Variants in CGGBP1 observed in about 807,000 individuals in gnomAD.
CGGBP1 encodes CGG triplet repeat binding protein 1, also known as CGG triplet repeat-binding protein 1.
Under a neutral mutation model 11.4 loss-of-function variants are expected in CGGBP1, and 4 were observed. The ratio of observed to expected loss-of-function variants is 0.35; its 90% CI spans 0.17 to 0.80. CGGBP1 has a LOEUF of 0.80. CGGBP1 is among the 30% of genes least tolerant of loss of function. CGGBP1 has a pLI of 0.52. For synonymous variants in CGGBP1, 76 were observed against 74.1 expected, an observed-to-expected ratio of 1.03 and a Z score of -0.13; for missense variants, 135 against 202.1, an observed-to-expected ratio of 0.67 and a Z score of 2.01.
chr3:88,146,361 T>G (rs1244481658), intron 1 of CGGBP1, among the ~76,000 whole-genome samples: 1 of 152,216 alleles, frequency 6.6e-6, no homozygotes, highest in Non-Finnish European at 1.5e-5. Flanking sequence ...ACAAGTCCCC[T>G]ATTAATAGCT....
In CGGBP1 at chr3:88,055,387, A is replaced by C; in HGVS notation, c.*86T>G. The C allele has an allele frequency of 1.6e-6, 2 of 1,276,078 alleles. No individual in the cohort carries two copies. Among genetic ancestry groups the C allele is most frequent in the South Asian group, 3.6e-5 (2 of 56,202 alleles). The allele number at this position is 1,276,078 out of a possible 1,614,324, so 79.0% of individuals were successfully genotyped here. On this transcript the variant is annotated 3_prime_UTR_variant, in exon 4 of 4. Coordinates refer to ENST00000482016, the MANE Select transcript of CGGBP1 (RefSeq NM_001008390.2). This position sits in a 1 kb window ranked among gnomAD's most constrained non-coding sequence, Gnocchi z 4.2. ...ATTCTGCGTCACATGATTTTAAATG[A>C]AATAAATACAAAAATGAACCACACA...
intron 2 of CGGBP1, among the ~76,000 whole-genome samples, chr3:88,133,649 TC>T (rs1375738602): frequency 6.6e-6 from 1 of 152,122 alleles, no homozygotes; most frequent in African/African-American, 2.4e-5. Context: ...AGTTAGGAGT[TC>T]CTGAGATTCA....
At chr3:88,112,676 T>C (rs539934715) in intron 2 of CGGBP1, among the ~76,000 whole-genome samples, 59 of 152,118 alleles carry the variant, frequency 3.9e-4, no homozygotes, top group African/African-American at 1.2e-3. Flanking sequence ...TTCTAACTTA[T>C]GTTTTTGTGT....
At chr3:88,098,581 A>C (rs1704206718) in intron 2 of CGGBP1, among the ~76,000 whole-genome samples, 1 of 152,238 alleles carries the variant, frequency 6.6e-6, no homozygotes, top group Non-Finnish European at 1.5e-5. Flanking sequence ...AAAAATCCTC[A>C]GTAAAATACT....
intron 2 of CGGBP1, among the ~76,000 whole-genome samples, chr3:88,088,539 G>A (rs779550013): frequency 3.6e-4 from 55 of 152,218 alleles, no homozygotes; most frequent in Non-Finnish European, 5.4e-4. Flanking sequence ...AAAATTTAAA[G>A]TTCTGTAGGA....
At chr3:88,102,172 T>C (rs1225077049) in intron 2 of CGGBP1, among the ~76,000 whole-genome samples, 1 of 152,138 alleles carries the variant, frequency 6.6e-6, no homozygotes, top group Non-Finnish European at 1.5e-5. Flanking sequence ...GTGTTTTGTG[T>C]AGTTTTCTTC....
chr3:88,092,576 C>T (rs1703808573), intron 2 of CGGBP1, among the ~76,000 whole-genome samples: 1 of 152,056 alleles, frequency 6.6e-6, no homozygotes, highest in Non-Finnish European at 1.5e-5. Context: ...ATGTTTAAGG[C>T]ACCTGGATAT....
chr3:88,119,909 T>C (rs1705667376), intron 2 of CGGBP1, among the ~76,000 whole-genome samples: 1 of 152,220 alleles, frequency 6.6e-6, no homozygotes, highest in African/African-American at 2.4e-5. Context: ...TAGTTATGAT[T>C]GGCTTCCTCT....
intron 2 of CGGBP1, among the ~76,000 whole-genome samples, chr3:88,075,238 A>AT (rs1707736564): frequency 6.6e-6 from 1 of 152,230 alleles, no homozygotes; most frequent in African/African-American, 2.4e-5. Flanking sequence ...TATAAAGAGC[A>AT]TATCACTTAC....
intron 2 of CGGBP1, among the ~76,000 whole-genome samples, chr3:88,079,915 A>G (rs935936370): frequency 2.6e-5 from 4 of 152,040 alleles, no homozygotes; most frequent in African/African-American, 9.7e-5. Flanking sequence ...ATTTCACACA[A>G]GTTTTAACTT....
chr3:88,055,211 ATTAATT>A lies in CGGBP1; in HGVS notation c.*256_*261del. On this transcript the variant is annotated 3_prime_UTR_variant, in exon 4 of 4. Coordinates refer to ENST00000482016, the MANE Select transcript of CGGBP1 (RefSeq NM_001008390.2). The surrounding 1 kb of genome is among the most constrained non-coding windows in gnomAD (Gnocchi z 4.2). ...GCACAAACATTTCAGGAGAAAAACC[ATTAATT>A]TTAAAGATAACCATCAGGTTTCAGG... 1 of 311,528 alleles carries A rather than the reference ATTAATT, an allele frequency of 3.2e-6. No individual in the cohort carries two copies. The highest frequency in any genetic ancestry group is 4.8e-5 in the Admixed American group (1 of 21,028). The allele number at this position is 311,528 out of a possible 1,614,324, so 19.3% of individuals were successfully genotyped here.
At chr3:88,139,402 G>A in intron 2 of CGGBP1, 1 of 1,613,834 alleles carries the variant, frequency 6.2e-7, no homozygotes, top group Non-Finnish European at 8.5e-7. Context: ...GTAATATGTG[G>A]TAGGAAATTT....
intron 1 of CGGBP1, among the ~76,000 whole-genome samples, chr3:88,148,257 C>T (rs1197774239): frequency 2.0e-5 from 3 of 152,172 alleles, no homozygotes; most frequent in African/African-American, 7.2e-5. Context: ...CTGTCTATTT[C>T]CTCCCAACAA....
At position 88,108,237 on chromosome 3, in the gene CGGBP1, G is replaced by A. The variant is rs111399664; in HGVS notation, c.-229+32733C>T. Among the ~76,000 whole-genome samples the A allele has an allele frequency of 1.4e-3, 205 of 151,818 alleles. 1 individual carries two copies. Among genetic ancestry groups the A allele is most frequent in the African/African-American group, 4.8e-3 (200 of 41,408 alleles). On this transcript the variant is annotated intron_variant, in intron 2 of 3. Transcript: ENST00000462901. ...TTTTCCTATTTCTACTTAGCTCCAA[G>A]TTCACACTGGCAGTTTTCCTTCCAG...
intron 2 of CGGBP1, chr3:88,139,429 T>A: frequency 6.2e-7 from 1 of 1,613,850 alleles, no homozygotes; most frequent in Non-Finnish European, 8.5e-7. Context: ...AGAGGACTTA[T>A]GCAGAAGCAT....
Position 88,055,852 on chromosome 3 carries a change from A to T in CGGBP1, c.125T>A (p.Phe42Tyr). ...GELHEDGGKL[F>Y]CTSCNVVLNH... is the part of the protein sequence containing the mutation. The stretch of plus-strand genomic sequence containing the variant: ...CAGAACCACATTGCAAGAAGTGCAG[A>T]AGAGTTTTCCTCCATCTTCATGCAG... The change falls in exon 4 of 4, where the codon TTC becomes TAC. Residue 42 changes from phenylalanine (F) to tyrosine (Y), a missense_variant. Physicochemically the swap from Phe to Tyr is conservative, Grantham distance 22. Coordinates refer to ENST00000482016, the MANE Select transcript of CGGBP1 (RefSeq NM_001008390.2). This position sits in a 1 kb window ranked among gnomAD's most constrained non-coding sequence, Gnocchi z 4.2. 1.2e-6 allele frequency: 2 copies of T among 1,614,202 alleles called. No homozygotes were observed. Among genetic ancestry groups the T allele is most frequent in the Non-Finnish European group, 1.7e-6 (2 of 1,180,034 alleles).
At chr3:88,065,735 T>A (rs1029583663) in intron 2 of CGGBP1, among the ~76,000 whole-genome samples, 1 of 152,192 alleles carries the variant, frequency 6.6e-6, no homozygotes, top group African/African-American at 2.4e-5. Context: ...TATTATTATT[T>A]TTTTGAGACA....
upstream of CGGBP1, among the ~76,000 whole-genome samples, chr3:88,060,382 G>A (rs1178989177): frequency 2.0e-5 from 3 of 152,078 alleles, no homozygotes; most frequent in African/African-American, 4.8e-5. Flanking sequence ...ACTTTTTTAG[G>A]GGTAAAGTTT....
rs1166248334 is a variant in CGGBP1, at chr3:88,129,037, A to G, written c.-229+11933T>C. ...GTATTGTTTGAGACTATTTTTGCCTATTACCATTTTAACCCTACCAAAAAA... is the reference window on the plus strand; with the variant it reads ...GTATTGTTTGAGACTATTTTTGCCTGTTACCATTTTAACCCTACCAAAAAA... On this transcript the variant is annotated intron_variant, in intron 2 of 3. Coordinates refer to the CGGBP1 transcript ENST00000462901. 29 of 1,492,888 alleles carry G rather than the reference A, an allele frequency of 1.9e-5. 1 individual carries two copies. Among genetic ancestry groups the G allele is most frequent in the East Asian group, 2.5e-5 (1 of 40,252 alleles). 92.5% of individuals were successfully genotyped at this position (1,492,888 alleles called of 1,614,324 possible). A position where few individuals can be genotyped will look rare whatever the true frequency, so the allele number is the denominator to read the frequency against.
Sources: allele counts gnomAD v4.1 joint callset (sites outside exome capture counted in the v4.1 genomes callset), GRCh38; gene constraint gnomAD v4.1.1; non-coding constraint Gnocchi (gnomAD v3.1); transcripts MANE v1.5; gene names NCBI Gene and HGNC (gene_info 2026-07-23, HGNC 2026-07-21).